The following LY96 variants were observed in gnomAD, a reference collection of about 807,000 sequenced individuals.
LY96 encodes the protein lymphocyte antigen 96.
LY96 carries 18 observed loss-of-function variants against 18.9 expected under a neutral mutation model. That is an observed-to-expected ratio of 0.95 (90% CI 0.66 to 1.41). The LOEUF (loss-of-function observed/expected upper bound fraction) is 1.41, where lower values mean the gene tolerates loss of function less well. Among genes scored for constraint, LY96 ranks in the 40% most tolerant of loss-of-function variants. The probability of loss-of-function intolerance (pLI) is 0.00; values close to 1 mark genes in which losing one functional copy is unlikely to be tolerated. For missense variants in LY96, 175 were observed against 182.4 expected (o/e 0.96, Z 0.23); for synonymous variants, 66 against 62.6 (o/e 1.06, Z -0.26).
At chr8:74,081,088 T>TCTTG in the LY96 span, among the ~76,000 whole-genome samples, 1 of 12,846 alleles carries the variant, frequency 7.8e-5, no homozygotes, top group East Asian at 4.8e-3. Flanking sequence ...TCTCTTTCTC[T>TCTTG]CTTTCTTTCT....
the LY96 span, among the ~76,000 whole-genome samples, chr8:74,089,807 G>A: frequency 4.7e-3 from 716 of 152,268 alleles, 4 homozygotes; most frequent in African/African-American, 0.015. Flanking sequence ...TTCAGGAAAG[G>A]TGGTCAAGAA....
chr8:74,009,247 T>C (rs1289337669), intron 2 of LY96, among the ~76,000 whole-genome samples: 1 of 151,444 alleles, frequency 6.6e-6, no homozygotes, highest in African/African-American at 2.4e-5. Flanking sequence ...ATACAAAAAT[T>C]AGCTGGGCAC....
the LY96 span, among the ~76,000 whole-genome samples, chr8:74,085,772 G>C: frequency 6.6e-6 from 1 of 152,080 alleles, no homozygotes; most frequent in Admixed American, 6.6e-5. Context: ...ATAAAATTGT[G>C]AAAGTTTGAG....
chr8:74,081,050 TTC>T, the LY96 span, among the ~76,000 whole-genome samples: 4 of 109,978 alleles, frequency 3.6e-5, no homozygotes, highest in Non-Finnish European at 5.3e-5. Flanking sequence ...TTCTTTCTTT[TTC>T]TTTCTTTCTT....
the LY96 span, among the ~76,000 whole-genome samples, chr8:74,075,065 C>T: frequency 7.2e-5 from 11 of 152,182 alleles, no homozygotes; most frequent in Middle Eastern, 3.4e-3. Context: ...AAGATGTGTC[C>T]GATGCTGAAA....
downstream of LY96, chr8:74,029,164 T>A: frequency 1.4e-6 from 1 of 690,126 alleles, no homozygotes; most frequent in South Asian, 1.7e-5. Context: ...GAAATGACTG[T>A]CATGAAGAAA....
the LY96 span, among the ~76,000 whole-genome samples, chr8:74,095,556 A>C: frequency 1.3e-5 from 2 of 152,292 alleles, no homozygotes; most frequent in East Asian, 3.9e-4. Context: ...TGCTACATCC[A>C]AAGCTTGGTT....
At chr8:74,013,516 G>C (rs1302295721) in intron 3 of LY96, among the ~76,000 whole-genome samples, 1 of 151,840 alleles carries the variant, frequency 6.6e-6, no homozygotes, top group African/African-American at 2.4e-5. Context: ...TTGAACTCCT[G>C]GGCTCAAGTG....
At chr8:74,057,379 G>T in the LY96 span, among the ~76,000 whole-genome samples, 1 of 151,934 alleles carries the variant, frequency 6.6e-6, no homozygotes, top group Non-Finnish European at 1.5e-5. Context: ...AAACATACAG[G>T]GATTACAAAG....
intron 1 of LY96, among the ~76,000 whole-genome samples, chr8:73,999,287 A>G (rs1020746934): frequency 6.6e-6 from 1 of 151,184 alleles, no homozygotes; most frequent in Non-Finnish European, 1.5e-5. Flanking sequence ...TTTTTTTGAA[A>G]CAAGATCTCA....
intron 2 of LY96, among the ~76,000 whole-genome samples, chr8:74,008,697 G>C (rs545688146): frequency 3.3e-5 from 5 of 152,316 alleles, no homozygotes; most frequent in African/African-American, 1.2e-4. Flanking sequence ...GGCAACATTT[G>C]AGTAGAGATA....
intron 3 of LY96, among the ~76,000 whole-genome samples, chr8:74,022,167 G>T (rs945896681): frequency 6.6e-6 from 1 of 152,144 alleles, no homozygotes; most frequent in African/African-American, 2.4e-5. Flanking sequence ...CAGCACTTTG[G>T]GAGGCCGAGG....
the LY96 span, chr8:74,055,873 G>C: frequency 6.6e-6 from 1 of 152,350 alleles, no homozygotes. Flanking sequence ...TTGGCTCTCT[G>C]AGCAGCATGA....
chr8:74,093,136 G>A, the LY96 span, among the ~76,000 whole-genome samples: 5 of 152,236 alleles, frequency 3.3e-5, no homozygotes, highest in African/African-American at 1.2e-4. Context: ...GCTGTGTCTG[G>A]ACGCTGTTTC....
the LY96 span, among the ~76,000 whole-genome samples, chr8:74,073,511 G>A: frequency 1.3e-5 from 2 of 152,104 alleles, no homozygotes; most frequent in Non-Finnish European, 1.5e-5. Context: ...AGATGGGACT[G>A]CATTTTTTTT....
the LY96 span, among the ~76,000 whole-genome samples, chr8:74,034,986 C>T: frequency 6.6e-6 from 1 of 152,148 alleles, no homozygotes; most frequent in Non-Finnish European, 1.5e-5. Flanking sequence ...TAATTACTGA[C>T]AGGATAAAGA....
chr8:74,089,700 G>T, the LY96 span, among the ~76,000 whole-genome samples: 1 of 149,380 alleles, frequency 6.7e-6, no homozygotes, highest in Admixed American at 6.7e-5. Context: ...ATGAACAGGC[G>T]AGTGCCTGCA....
intron 3 of LY96, among the ~76,000 whole-genome samples, chr8:74,016,255 C>T (rs988301307): frequency 6.6e-6 from 1 of 152,218 alleles, no homozygotes; most frequent in Non-Finnish European, 1.5e-5. Flanking sequence ...GAGCCTTGCT[C>T]ACTGCTAGCA....
At chr8:74,051,283 A>G in the LY96 span, among the ~76,000 whole-genome samples, 3 of 152,230 alleles carry the variant, frequency 2.0e-5, no homozygotes, top group African/African-American at 7.2e-5. Context: ...TTTCAGGCAA[A>G]AAGTACACAC....
Sources: allele counts gnomAD v4.1 joint callset (sites outside exome capture counted in the v4.1 genomes callset), GRCh38; gene constraint gnomAD v4.1.1; transcripts MANE v1.5; gene names NCBI Gene and HGNC (gene_info 2026-07-23, HGNC 2026-07-21).